The following PPP4R3B variants were observed in gnomAD, a reference collection of about 807,000 sequenced individuals.
The protein encoded by PPP4R3B is protein phosphatase 4 regulatory subunit 3B.
In PPP4R3B, 52 loss-of-function variants were observed where a neutral mutation model predicts 95.4. The observed-to-expected ratio is 0.54, with a 90% CI of 0.44 to 0.69. The LOEUF is 0.69. Ranked by LOEUF, PPP4R3B falls within the 30% of genes least tolerant of loss-of-function variation. The pLI, the probability that PPP4R3B is intolerant of heterozygous loss-of-function variation, is 0.00. For missense variants in PPP4R3B, 1,003 were observed against 1,005.9 expected, an observed-to-expected ratio of 1.00 and a Z score of 0.04; for synonymous variants, 407 against 343.9, an observed-to-expected ratio of 1.18 and a Z score of -2.03.
intron 2 of PPP4R3B, among the ~76,000 whole-genome samples, chr2:55,611,963 G>C (rs1290628477): frequency 6.6e-6 from 1 of 152,094 alleles, no homozygotes; most frequent in African/African-American, 2.4e-5. Context: ...GAAATCCTCA[G>C]CTCAAGGGAT....
intron 8 of PPP4R3B, among the ~76,000 whole-genome samples, chr2:55,580,345 TTG>T (rs1263653700): frequency 6.6e-6 from 1 of 152,128 alleles, no homozygotes; most frequent in African/African-American, 2.4e-5. Context: ...TTGATCCCAT[TTG>T]TCTCTCTCTC....
rs1684946477 is a variant in PPP4R3B at position 55,548,681 on chromosome 2, TG to T, written c.*1229del. On this transcript the variant is annotated 3_prime_UTR_variant, in exon 17 of 17. Transcript: ENST00000616407. Reference sequence around the variant, plus strand: ...ATCTAAAGATTGTGGCTGGAATTACTGTTAAAGTTTTTTTTTCCCAATGCAT... The same window carrying T: ...ATCTAAAGATTGTGGCTGGAATTACTTTAAAGTTTTTTTTTCCCAATGCAT... The T allele has an allele frequency of 6.6e-6, 1 of 152,652 alleles. No individual in the cohort carries two copies. The highest frequency in any genetic ancestry group is 2.4e-5 in the African/African-American group (1 of 41,466). The allele number at this position is 152,652 out of a possible 1,614,324, so 9.5% of individuals were successfully genotyped here. A position where few individuals can be genotyped will look rare whatever the true frequency, so the allele number is the denominator to read the frequency against.
chr2:55,602,958 C>CTTTTT (rs760532917), intron 3 of PPP4R3B, among the ~76,000 whole-genome samples: 2 of 146,210 alleles, frequency 1.4e-5, no homozygotes, highest in African/African-American at 2.5e-5. Context: ...AGGACGAATA[C>CTTTTT]TCTTTTTTTT....
chr2:55,608,302 G>A (rs1218983833), intron 2 of PPP4R3B, among the ~76,000 whole-genome samples: 1 of 152,178 alleles, frequency 6.6e-6, no homozygotes, highest in Non-Finnish European at 1.5e-5. Context: ...ACTGCACCCA[G>A]CCCCTCATTC....
In PPP4R3B at chr2:55,598,945, A is replaced by C; in HGVS notation, c.392T>G (p.Leu131Arg). The C allele has an allele frequency of 1.9e-6, 3 of 1,614,218 alleles. No individual in the cohort carries two copies. The highest frequency in any genetic ancestry group is 2.5e-6 in the Non-Finnish European group (3 of 1,180,040). The change falls in exon 4 of 17, where the codon CTG becomes CGG. Residue 131 changes from leucine (L) to arginine (R), a missense_variant. Physicochemically the swap from Leu to Arg is moderately radical, Grantham distance 102. Coordinates refer to ENST00000616407, the MANE Select transcript of PPP4R3B (RefSeq NM_001122964.3). ...GAGTTCACATGTGGGCAGGTCAATCAGATGACTAGTTTCAGGCATTTCTTC... is the reference window on the plus strand; with the variant it reads ...GAGTTCACATGTGGGCAGGTCAATCCGATGACTAGTTTCAGGCATTTCTTC... ...RFEEMPETSH[L>R]IDLPTCELNK...
intron 16 of PPP4R3B, among the ~76,000 whole-genome samples, 198 bp downstream of exon 16, chr2:55,558,577 C>T (rs1686157985): frequency 2.0e-5 from 3 of 152,082 alleles, no homozygotes; most frequent in South Asian, 4.2e-4. Flanking sequence ...CACTGCACTC[C>T]AGCCTGGCGA....
Position 55,564,471 on chromosome 2 carries a change from C to A in PPP4R3B, c.2102G>T (p.Arg701Ile). 1 of 1,611,788 alleles carries A rather than the reference C, an allele frequency of 6.2e-7. No homozygotes were observed. The highest frequency in any genetic ancestry group is 8.5e-7 in the Non-Finnish European group (1 of 1,179,252). The change falls in exon 15 of 17, where the codon AGA becomes ATA. Residue 701 changes from arginine (R) to isoleucine (I), a missense_variant. Transcript: ENST00000616407. The part of the protein sequence containing the change: ...NSVPSILRSN[R>I]FRRDAKALEE... ...CAAGGCTTTTGCATCTCTGCGAAAT[C>A]TGTTACTACGCAATATAGATGGTAC...
At chr2:55,550,962 A>G (rs752782578) in intron 16 of PPP4R3B, among the ~76,000 whole-genome samples, 8 of 152,220 alleles carry the variant, frequency 5.3e-5, no homozygotes, top group Admixed American at 3.9e-4. Context: ...AAGTCTGGAT[A>G]TGCAAGAAGC....
intron 4 of PPP4R3B, among the ~76,000 whole-genome samples, chr2:55,592,604 C>A (rs1181284261): frequency 1.3e-5 from 2 of 152,000 alleles, no homozygotes; most frequent in African/African-American, 4.8e-5. Flanking sequence ...TCTTTCCGTG[C>A]CAAAACCTTA....
chr2:55,616,149 C>T (rs1234425922), intron 1 of PPP4R3B, among the ~76,000 whole-genome samples: 1 of 151,862 alleles, frequency 6.6e-6, no homozygotes, highest in Non-Finnish European at 1.5e-5. Flanking sequence ...CACTTCAAGC[C>T]ATTCGTTTTA....
rs576213913 is a variant in PPP4R3B, at chr2:55,553,843, A to G, written c.2455-3837T>C. 2.1e-4 allele frequency among the ~76,000 whole-genome samples: 32 copies of G among 152,310 alleles called. No homozygotes were observed. In the South Asian group the frequency reaches 2.3e-3, roughly 11 times the overall value. ...TGAATATGCTACATTTTGTGTATCC[A>G]TTCATCAGCTGAGAGACATTTGGGT... On this transcript the variant is annotated intron_variant, in intron 16 of 16. Transcript: ENST00000616407.
At position 55,567,006 on chromosome 2, in the gene PPP4R3B, CAAACA is replaced by C. The variant is rs550129436; in HGVS notation, c.1935+1183_1935+1187del. Among the ~76,000 whole-genome samples the C allele has an allele frequency of 4.6e-5, 7 of 152,310 alleles. No individual in the cohort carries two copies. The South Asian group carries it at 1.2e-3, about 27-fold the overall frequency. Reference sequence around the variant, plus strand: ...TGGGCAACAGCATGAGACCTTGTCTCAAACAAAACAAAACAAAAAATAAAACCCAA... The same window carrying C: ...TGGGCAACAGCATGAGACCTTGTCTCAAACAAAACAAAAAATAAAACCCAA... On this transcript the variant is annotated intron_variant, in intron 13 of 16. Transcript: ENST00000616407.
intron 16 of PPP4R3B, among the ~76,000 whole-genome samples, chr2:55,552,221 T>G (rs879666061): frequency 2.6e-5 from 4 of 152,200 alleles, no homozygotes; most frequent in Admixed American, 1.3e-4. Context: ...AATCTAGAGA[T>G]GCACTTTGTG....
At chr2:55,614,376 C>T (rs1359135986) in intron 2 of PPP4R3B, 2 of 152,120 alleles carry the variant, frequency 1.3e-5, no homozygotes, top group African/African-American at 4.8e-5. Flanking sequence ...TGTATAACAA[C>T]AAGTGTATGT....
chr2:55,558,850 A>G lies in PPP4R3B; in HGVS notation c.2379T>C (p.Ala793=). 2.5e-6 allele frequency: 4 copies of G among 1,614,014 alleles called. No homozygotes were observed. The highest frequency in any genetic ancestry group is 3.4e-6 in the Non-Finnish European group (4 of 1,179,934). Residue 793 remains alanine (A), a synonymous_variant, in exon 16 of 17, where the codon GCT becomes GCC. Coordinates refer to ENST00000616407, the MANE Select transcript of PPP4R3B (RefSeq NM_001122964.3). ...CATTAGAAGTTGCTGGTGGTATCTG[A>G]GCCACTACAGATTTACTGTTTGTTC... is the stretch of plus-strand genomic sequence containing the variant. ...ANGTNSKSVV[A]QIPPATSNGS... is the part of the protein sequence containing the mutation.
At chr2:55,570,246 T>C (rs1463924740) in intron 12 of PPP4R3B, among the ~76,000 whole-genome samples, 1 of 152,190 alleles carries the variant, frequency 6.6e-6, no homozygotes, top group East Asian at 1.9e-4. Context: ...TGAGACTATG[T>C]CTCAAAAAAC....
At chr2:55,608,117 G>A (rs1693671459) in intron 2 of PPP4R3B, among the ~76,000 whole-genome samples, 1 of 152,118 alleles carries the variant, frequency 6.6e-6, no homozygotes, top group Non-Finnish European at 1.5e-5. Context: ...TGATTCTCCT[G>A]CCTCAGCCTC....
chr2:55,601,650 G>A (rs946158005), intron 3 of PPP4R3B, among the ~76,000 whole-genome samples: 4 of 152,104 alleles, frequency 2.6e-5, no homozygotes, highest in African/African-American at 7.2e-5. Flanking sequence ...AAAGTGCTGG[G>A]ATTACAGGCA....
Position 55,598,490 on chromosome 2 carries a change from A to C in PPP4R3B, c.847T>G (p.Phe283Val). 6.2e-7 allele frequency: 1 copy of C among 1,614,182 alleles called. No individual in the cohort carries two copies. Among genetic ancestry groups the C allele is most frequent in the Non-Finnish European group, 8.5e-7 (1 of 1,180,036 alleles). ...QDIILPTPSV[F>V]EENFLSTLTS... ...AGAGTAGAAAGAAAATTCTCTTCAA[A>C]AACAGATGGTGTGGGCAAAATGATG... Residue 283 changes from phenylalanine to valine, a missense_variant, in exon 4 of 17, where the codon TTT (phenylalanine) becomes GTT (valine). Around this residue, in one of 3 missense-constraint regions of PPP4R3B, gnomAD observed 695 missense variants for 686.2 expected, o/e 1.01. Coordinates refer to ENST00000616407, the MANE Select transcript of PPP4R3B (RefSeq NM_001122964.3).
Sources: allele counts gnomAD v4.1 joint callset (sites outside exome capture counted in the v4.1 genomes callset), GRCh38; gene constraint gnomAD v4.1.1; regional missense constraint gnomAD v4.1.1; transcripts MANE v1.5; gene names NCBI Gene and HGNC (gene_info 2026-07-23, HGNC 2026-07-21).